The following CHST9 variants were observed in gnomAD, a reference collection of about 807,000 sequenced individuals.
CHST9 encodes GalNAc-4-sulfotransferase 2.
Under a neutral mutation model 44.4 loss-of-function variants are expected in CHST9, and 41 were observed. The observed-to-expected ratio is 0.92, with a 90% CI of 0.72 to 1.20. The LOEUF is 1.20. CHST9 is among the 50% of genes most tolerant of loss of function. The pLI, the probability that CHST9 is intolerant of heterozygous loss-of-function variation, is 0.00. For missense variants in CHST9, 504 were observed against 516.5 expected, an observed-to-expected ratio of 0.98 and a Z score of 0.23; for synonymous variants, 171 against 178.4, an observed-to-expected ratio of 0.96 and a Z score of 0.33.
intron 4 of CHST9, among the ~76,000 whole-genome samples, chr18:26,969,153 C>T (rs2056505444): frequency 1.3e-5 from 2 of 152,082 alleles, no homozygotes; most frequent in Admixed American, 1.3e-4. Context: ...CGCCCGCCAC[C>T]GTGCCTGGCT....
chr18:27,127,588 A>G (rs9958569), intron 2 of CHST9, among the ~76,000 whole-genome samples: 122,530 of 152,010 alleles, frequency 0.81, 49,703 homozygotes, highest in East Asian at 0.92. Flanking sequence ...AGGAGGGAAG[A>G]AATAAATTGG....
At chr18:26,985,442 G>A (rs1329452823) in intron 4 of CHST9, among the ~76,000 whole-genome samples, 1 of 152,198 alleles carries the variant, frequency 6.6e-6, no homozygotes, top group African/African-American at 2.4e-5. Context: ...AGTAATTTCT[G>A]AGAGATAGTA....
At position 27,008,074 on chromosome 18, in the gene CHST9, C is replaced by A. The variant is rs533807004; in HGVS notation, c.202+16042G>T. On this transcript the variant is annotated intron_variant, in intron 4 of 5. Transcript: ENST00000618847. ...ATGGGAGGACACGGAGAGACAGGACCCACAGCATAGGAGGGACGACTCACC... is the reference window on the plus strand; with the variant it reads ...ATGGGAGGACACGGAGAGACAGGACACACAGCATAGGAGGGACGACTCACC... Among the ~76,000 whole-genome samples the A allele has an allele frequency of 2.0e-5, 3 of 152,182 alleles. No individual in the cohort carries two copies. In the East Asian group the frequency reaches 5.8e-4, roughly 29 times the overall value.
intron 4 of CHST9, among the ~76,000 whole-genome samples, chr18:26,956,429 T>C (rs2056326178): frequency 6.8e-6 from 1 of 147,308 alleles, no homozygotes; most frequent in African/African-American, 2.5e-5. Context: ...ATATAATCAC[T>C]AGGACCACAA....
intron 3 of CHST9, among the ~76,000 whole-genome samples, chr18:27,039,003 C>T (rs2057418058): frequency 1.3e-5 from 2 of 152,012 alleles, no homozygotes; most frequent in African/African-American, 2.4e-5. Context: ...TTGGATATTG[C>T]TGATCCAGAA....
At chr18:26,966,573 CT>C (rs1159551863) in intron 4 of CHST9, among the ~76,000 whole-genome samples, 1 of 152,166 alleles carries the variant, frequency 6.6e-6, no homozygotes, top group Non-Finnish European at 1.5e-5. Context: ...ATCTCTCTCT[CT>C]TACTACACAC....
chr18:27,048,492 T>C lies in CHST9; in HGVS notation c.133A>G (p.Lys45Glu), dbSNP rs2057530386. The C allele has an allele frequency of 1.2e-6, 2 of 1,606,544 alleles. No homozygotes were observed. The highest frequency in any genetic ancestry group is 1.1e-5 in the South Asian group (1 of 89,388). ...IEEQHTGRVE[K>E]RREQKVTSGW... ...GAAGTTACTTTTTGTTCTCTTCTCT[T>C]CTCCACTCTCCCTGAAATGAGAAGT... The change falls in exon 3 of 6, where the codon AAG (lysine) becomes GAG (glutamate). Residue 45 changes from lysine (K) to glutamate (E), a missense_variant. By Grantham distance (56) the Lys-to-Glu change is moderately conservative. Transcript: ENST00000618847.
chr18:26,969,370 CTCTCTCTGTGTGTG>C (rs916141171), intron 4 of CHST9, among the ~76,000 whole-genome samples: 3 of 121,910 alleles, frequency 2.5e-5, no homozygotes, highest in African/African-American at 6.2e-5. Flanking sequence ...TTCTCTCTCT[CTCTCTCTGTGTGTG>C]TGTGTGTGTG....
intron 1 of CHST9, among the ~76,000 whole-genome samples, chr18:27,152,189 T>C (rs2058664781): frequency 6.6e-6 from 1 of 152,200 alleles, no homozygotes; most frequent in Non-Finnish European, 1.5e-5. Context: ...CTCTATAATT[T>C]ATTTAACAGG....
At chr18:27,146,327 C>A (rs1447661139) in intron 1 of CHST9, among the ~76,000 whole-genome samples, 1 of 152,138 alleles carries the variant, frequency 6.6e-6, no homozygotes, top group Non-Finnish European at 1.5e-5. Flanking sequence ...GGCAGAAAGG[C>A]AATCTGGTGT....
chr18:27,036,755 T>C (rs981525977), intron 3 of CHST9, among the ~76,000 whole-genome samples: 1 of 152,182 alleles, frequency 6.6e-6, no homozygotes, highest in Non-Finnish European at 1.5e-5. Context: ...TCTTGCTAGA[T>C]AGAAAGAGAC....
intron 3 of CHST9, among the ~76,000 whole-genome samples, chr18:27,041,729 G>A (rs7241497): frequency 0.64 from 97,553 of 151,946 alleles, 31,881 homozygotes; most frequent in African/African-American, 0.75. Context: ...AGTGTTACAC[G>A]ATAAAATTTA....
intron 4 of CHST9, among the ~76,000 whole-genome samples, chr18:26,982,548 G>A (rs1355744462): frequency 6.6e-6 from 1 of 152,230 alleles, no homozygotes; most frequent in Admixed American, 6.5e-5. Flanking sequence ...GTCAGACACC[G>A]TTCCAGACCT....
At position 27,018,805 on chromosome 18, in the gene CHST9, C is replaced by T. The variant is rs114298765; in HGVS notation, c.202+5311G>A. On this transcript the variant is annotated intron_variant, in intron 4 of 5. Coordinates refer to ENST00000618847, the MANE Select transcript of CHST9 (RefSeq NM_031422.6). ...TTACAGAAAAGAATGTTCAGGCTGACGGTGGGAAACATGCCCCCAGGCAAG... is the reference window on the plus strand; with the variant it reads ...TTACAGAAAAGAATGTTCAGGCTGATGGTGGGAAACATGCCCCCAGGCAAG... Among the ~76,000 whole-genome samples the T allele has an allele frequency of 5.2e-3, 785 of 152,246 alleles. 2 individuals are homozygous for T. Among genetic ancestry groups the T allele is most frequent in the African/African-American group, 0.017 (726 of 41,544 alleles).
intron 4 of CHST9, among the ~76,000 whole-genome samples, chr18:26,968,698 T>A (rs1487877267): frequency 1.3e-5 from 2 of 152,244 alleles, no homozygotes; most frequent in Non-Finnish European, 2.9e-5. Flanking sequence ...CTTTTCTCAA[T>A]CCACAGCTGT....
intron 5 of CHST9, among the ~76,000 whole-genome samples, chr18:26,938,541 T>G (rs2056033736): frequency 6.6e-6 from 1 of 152,168 alleles, no homozygotes. Flanking sequence ...GCGTGGCCAT[T>G]TTGATAAGAA....
chr18:26,917,225 A>T lies in CHST9; in HGVS notation c.366T>A (p.Ser122Arg). The T allele has an allele frequency of 6.2e-7, 1 of 1,613,894 alleles. No individual in the cohort carries two copies. Among genetic ancestry groups the T allele is most frequent in the South Asian group, 1.1e-5 (1 of 91,072 alleles). ...SHSQGGDQAL[S>R]KSTGSPTEKL... is the part of the protein sequence containing the mutation. ...TCTCTGTTGGTGACCCTGTGGACTT[A>T]CTTAAAGCTTGATCCCCTCCTTGTG... The change falls in exon 6 of 6, where the codon AGT (serine) becomes AGA (arginine). Residue 122 changes from serine (S) to arginine (R), a missense_variant. Ser to Arg is a moderately radical substitution (Grantham distance 110). Coordinates refer to ENST00000618847, the MANE Select transcript of CHST9 (RefSeq NM_031422.6).
intron 4 of CHST9, among the ~76,000 whole-genome samples, chr18:26,985,404 T>C (rs781216062): frequency 2.0e-5 from 3 of 152,216 alleles, no homozygotes; most frequent in Admixed American, 6.5e-5. Context: ...ACGGTTTGCA[T>C]GACACTGAAC....
intron 2 of CHST9, among the ~76,000 whole-genome samples, chr18:27,113,465 C>T (rs373212704): frequency 2.6e-5 from 4 of 152,176 alleles, no homozygotes; most frequent in South Asian, 4.2e-4. Flanking sequence ...ATTTAGCAAC[C>T]TGACATGGTC....
Sources: gnomAD v4.1 joint callset for allele counts (sites outside exome capture counted in the v4.1 genomes callset) on GRCh38, gnomAD v4.1.1 for gene constraint, MANE v1.5 for transcripts, NCBI Gene and HGNC (gene_info 2026-07-23, HGNC 2026-07-21) for gene names.